The following PMVK variants were observed in gnomAD, a reference collection of about 807,000 sequenced individuals.
PMVK encodes the protein phosphomevalonate kinase.
Under a neutral mutation model 19.0 loss-of-function variants are expected in PMVK, and 10 were observed. The ratio of observed to expected loss-of-function variants is 0.53; its 90% CI spans 0.32 to 0.89. The LOEUF is 0.89. Ranked by LOEUF, PMVK falls within the 40% of genes least tolerant of loss-of-function variation. The pLI, the probability that PMVK is intolerant of heterozygous loss-of-function variation, is 0.03. For synonymous variants in PMVK, 108 were observed against 101.6 expected (o/e 1.06, Z -0.38); for missense variants, 222 against 251.1 (o/e 0.88, Z 0.78).
At chr1:154,927,426 T>G (rs1654197049) in intron 3 of PMVK, among the ~76,000 whole-genome samples, 1 of 124,784 alleles carries the variant, frequency 8.0e-6, no homozygotes, top group Non-Finnish European at 1.6e-5. Flanking sequence ...CCAGCCTTGG[T>G]GACAAGAGTG....
chr1:154,927,709 G>T (rs1462411842), intron 3 of PMVK, among the ~76,000 whole-genome samples: 2 of 151,780 alleles, frequency 1.3e-5, no homozygotes, highest in Non-Finnish European at 2.9e-5. Context: ...GACACACCAG[G>T]CACACTCACC....
chr1:154,936,564 C>A (rs761944185), intron 1 of PMVK, 27 bp downstream of exon 1: 2 of 1,578,170 alleles, frequency 1.3e-6, no homozygotes, highest in African/African-American at 1.3e-5. Flanking sequence ...AGAGCTCCCC[C>A]TTCCACCTTT....
chr1:154,926,614 C>G (rs1654173357), intron 3 of PMVK, 131 bp from the exon 4 acceptor site: 1 of 674,586 alleles, frequency 1.5e-6, no homozygotes. Flanking sequence ...ATGTCAGCAG[C>G]TAGACTCACT....
At chr1:154,928,935 A>G in intron 3 of PMVK, 89 bp downstream of exon 3, 2 of 1,312,072 alleles carry the variant, frequency 1.5e-6, no homozygotes, top group Non-Finnish European at 2.2e-6. Flanking sequence ...GGCTTGGGCC[A>G]GGATGGTGGC....
intron 1 of PMVK, among the ~76,000 whole-genome samples, chr1:154,936,186 ATTC>A (rs1442996528): frequency 6.6e-6 from 1 of 152,016 alleles, no homozygotes. Context: ...GGCTCAAGCG[ATTC>A]TTCTACCTCA....
intron 1 of PMVK, among the ~76,000 whole-genome samples, chr1:154,933,516 C>T (rs1571384066): frequency 3.8e-5 from 4 of 103,982 alleles, no homozygotes; most frequent in Admixed American, 2.4e-4. Flanking sequence ...TTTTTTGAGA[C>T]GGAGTCTTGC....
chr1:154,931,235 T>C (rs1247465152), intron 2 of PMVK, among the ~76,000 whole-genome samples: 1 of 152,124 alleles, frequency 6.6e-6, no homozygotes, highest in South Asian at 2.1e-4. Context: ...GGACAATTCA[T>C]TTTATGTGGT....
At chr1:154,935,686 G>T in intron 1 of PMVK, among the ~76,000 whole-genome samples, 1 of 152,212 alleles carries the variant, frequency 6.6e-6, no homozygotes, top group South Asian at 2.1e-4. Context: ...TGTTAACTTC[G>T]TATGTTATTT....
chr1:154,927,198 C>G (rs1002971690), intron 3 of PMVK, among the ~76,000 whole-genome samples: 7 of 152,120 alleles, frequency 4.6e-5, no homozygotes, highest in Admixed American at 1.3e-4. Context: ...TGCCTGTAAT[C>G]CCAGCATTTT....
the PMVK span, among the ~76,000 whole-genome samples, chr1:154,942,343 G>A: frequency 6.6e-6 from 1 of 152,240 alleles, no homozygotes; most frequent in African/African-American, 2.4e-5. Flanking sequence ...AGGGAATGCT[G>A]TCCCTTGGCT....
chr1:154,929,686 C>T (rs941375924), intron 2 of PMVK, among the ~76,000 whole-genome samples: 2 of 152,054 alleles, frequency 1.3e-5, no homozygotes, highest in Admixed American at 6.5e-5. Flanking sequence ...GCTGAAACAG[C>T]ATCACTCCAT....
chr1:154,936,860 G>A, upstream of PMVK: 2 of 607,656 alleles, frequency 3.3e-6, no homozygotes, highest in Non-Finnish European at 3.0e-6. Context: ...CTCAGCTCAT[G>A]TCCAAACAGA....
At chr1:154,937,040 G>A (rs942474697), upstream of PMVK, 19 of 212,326 alleles carry the variant, frequency 8.9e-5, no homozygotes, top group African/African-American at 3.6e-4. Flanking sequence ...AACCGGACGC[G>A]ACTACCTTCC....
chr1:154,925,174 C>A lies in PMVK; in HGVS notation c.534G>T (p.Glu178Asp). The A allele has an allele frequency of 6.2e-7, 1 of 1,613,988 alleles. No homozygotes were observed. The highest frequency in any genetic ancestry group is 1.1e-5 in the South Asian group (1 of 91,068). ...ATTCTATCAGGTTCTCCAACTGCTC[C>A]TCCAGGCGCTGTTCAACTCCATGGT... ...IENHGVEQRL[E>D]EQLENLIEFI... Residue 178 changes from glutamate to aspartate, a missense_variant, in exon 5 of 5, where the codon GAG (glutamate) becomes GAT (aspartate). Coordinates refer to ENST00000368467, the MANE Select transcript of PMVK (RefSeq NM_006556.4).
upstream of PMVK, among the ~76,000 whole-genome samples, chr1:154,940,522 T>C (rs1185707463): frequency 6.6e-6 from 1 of 152,192 alleles, no homozygotes; most frequent in Non-Finnish European, 1.5e-5. Flanking sequence ...CTGTGAACCA[T>C]CTAGCTATAG....
intron 2 of PMVK, among the ~76,000 whole-genome samples, chr1:154,930,244 G>A (rs1391988725): frequency 6.6e-6 from 1 of 152,140 alleles, no homozygotes; most frequent in Non-Finnish European, 1.5e-5. Flanking sequence ...CAGATCACAA[G>A]GTCAGGAGTT....
At chr1:154,928,095 G>A (rs915746057) in intron 3 of PMVK, among the ~76,000 whole-genome samples, 7 of 152,080 alleles carry the variant, frequency 4.6e-5, no homozygotes, top group Admixed American at 2.0e-4. Context: ...CAGAATGAAT[G>A]AGGAAAAAAA....
chr1:154,935,905 T>G (rs1349978515), intron 1 of PMVK, among the ~76,000 whole-genome samples: 2 of 152,182 alleles, frequency 1.3e-5, no homozygotes, highest in African/African-American at 4.8e-5. Context: ...TTGCCCAGGC[T>G]GGTCTCCACT....
intron 3 of PMVK, among the ~76,000 whole-genome samples, chr1:154,927,081 C>T (rs1654187184): frequency 6.6e-6 from 1 of 152,114 alleles, no homozygotes; most frequent in South Asian, 2.1e-4. Flanking sequence ...CTTCAAAATA[C>T]ACGCAAAATT....
Sources: gnomAD v4.1 joint callset for allele counts (sites outside exome capture counted in the v4.1 genomes callset) on GRCh38, gnomAD v4.1.1 for gene constraint, MANE v1.5 for transcripts, NCBI Gene and HGNC (gene_info 2026-07-23, HGNC 2026-07-21) for gene names.